Variants in ANK3 observed in about 807,000 individuals in gnomAD.
ANK3 encodes the protein ankyrin-3.
A neutral mutation model predicts 370.9 loss-of-function variants in ANK3; 57 were observed. The ratio of observed to expected loss-of-function variants is 0.15; its 90% CI spans 0.12 to 0.19. The LOEUF is 0.19. Ranked by LOEUF, ANK3 falls within the 10% of genes least tolerant of loss-of-function variation. The pLI is 1.00. For missense variants in ANK3, 4,439 were observed against 5,302.1 expected (o/e 0.84, Z 5.06); for synonymous variants, 1,929 against 1,946.3 (o/e 0.99, Z 0.23).
At chr10:60,551,197 A>AT (rs542248721) in intron 2 of ANK3, among the ~76,000 whole-genome samples, 49 of 152,242 alleles carry the variant, frequency 3.2e-4, no homozygotes, top group African/African-American at 1.2e-3. Context: ...TCACTGTAAT[A>AT]TTTTAAAAGT....
intron 1 of ANK3, among the ~76,000 whole-genome samples, chr10:60,629,737 A>T (rs891441932): frequency 6.6e-6 from 1 of 152,176 alleles, no homozygotes; most frequent in Non-Finnish European, 1.5e-5. Context: ...ACATATTAAA[A>T]ATCTTTTATA....
At chr10:60,111,548 T>C (rs929476695) in intron 26 of ANK3, among the ~76,000 whole-genome samples, 9 of 152,236 alleles carry the variant, frequency 5.9e-5, no homozygotes, top group African/African-American at 2.2e-4. Context: ...GTATCATTAA[T>C]ATTTAAACTA....
At position 60,074,889 on chromosome 10, in the gene ANK3, G is replaced by A. The variant is rs147209108; in HGVS notation, c.5992C>T (p.Arg1998Trp). The A allele has an allele frequency of 5.9e-5, 95 of 1,613,648 alleles. No individual in the cohort carries two copies. The highest frequency in any genetic ancestry group is 1.2e-4 in the Admixed American group (7 of 59,952). Residue 1998 changes from arginine to tryptophan, a missense_variant, in exon 37 of 44, where the codon CGG becomes TGG. Around this residue, in one of 13 missense-constraint regions of ANK3, gnomAD observed 679 missense variants for 791.0 expected, o/e 0.86. Transcript: ENST00000280772. ...GCAGCAGCTTGTTGTCTGGCTTCCC[G>A]GATTTCTTCCGAACTAAATTCTATC... ...DWIEFSSEEI[R>W]EARQQAAASQ...
At chr10:60,121,028 T>C (rs2093433319) in intron 25 of ANK3, among the ~76,000 whole-genome samples, 1 of 152,150 alleles carries the variant, frequency 6.6e-6, no homozygotes. Flanking sequence ...GCAGCACTAT[T>C]CACAATAGCC....
chr10:60,418,367 C>A lies in ANK3; in HGVS notation c.97-138728G>T, dbSNP rs149025555. On this transcript the variant is annotated intron_variant, in intron 2 of 43. Transcript: ENST00000373827. ...GTTAACATTCCCTCATCTGCTACACCTGCGCCTAAGTATCATTTCCAGCAA... is the reference window on the plus strand; with the variant it reads ...GTTAACATTCCCTCATCTGCTACACATGCGCCTAAGTATCATTTCCAGCAA... 1.2e-4 allele frequency among the ~76,000 whole-genome samples: 18 copies of A among 152,298 alleles called. No individual in the cohort carries two copies. In the East Asian group the frequency reaches 3.5e-3, roughly 29 times the overall value.
chr10:60,567,461 A>G (rs1353835486), intron 2 of ANK3, among the ~76,000 whole-genome samples: 1 of 152,088 alleles, frequency 6.6e-6, no homozygotes, highest in East Asian at 1.9e-4. Context: ...TGCTGGCCAG[A>G]AAAAAAATTT....
chr10:60,724,126 C>A (rs533380879), intron 1 of ANK3, among the ~76,000 whole-genome samples: 19 of 120,514 alleles, frequency 1.6e-4, no homozygotes, highest in African/African-American at 5.4e-4. Flanking sequence ...AGGAAAATGG[C>A]GTGAACCCGG....
At chr10:60,470,303 C>T (rs1183826938) in intron 2 of ANK3, among the ~76,000 whole-genome samples, 1 of 152,046 alleles carries the variant, frequency 6.6e-6, no homozygotes, top group African/African-American at 2.4e-5. Context: ...TTCAATTGCA[C>T]AACTACACAT....
At chr10:60,379,815 A>C (rs1341804101) in intron 1 of ANK3, among the ~76,000 whole-genome samples, 2 of 152,124 alleles carry the variant, frequency 1.3e-5, no homozygotes, top group Non-Finnish European at 2.9e-5. Context: ...CAGTGGGATG[A>C]CTACAGTTAA....
At chr10:60,177,168 T>C (rs990548267) in intron 18 of ANK3, among the ~76,000 whole-genome samples, 1 of 152,218 alleles carries the variant, frequency 6.6e-6, no homozygotes, top group Non-Finnish European at 1.5e-5. Flanking sequence ...ATTTCTCCTC[T>C]ACCTTTGGAC....
chr10:60,326,707 C>T (rs913351268), intron 1 of ANK3, among the ~76,000 whole-genome samples: 3 of 152,028 alleles, frequency 2.0e-5, no homozygotes, highest in Non-Finnish European at 4.4e-5. Context: ...TGTGGATTCC[C>T]TGTCTTCTCT....
Position 60,076,131 on chromosome 10 carries a change from C to T in ANK3, c.4750G>A (p.Val1584Met). 1.9e-6 allele frequency: 3 copies of T among 1,614,156 alleles called. No individual in the cohort carries two copies. Among genetic ancestry groups the T allele is most frequent in the Admixed American group, 1.7e-5 (1 of 60,022 alleles). Residue 1584 changes from valine (V) to methionine (M), a missense_variant, in exon 37 of 44, where the codon GTG becomes ATG. Coordinates refer to ENST00000280772, the MANE Select transcript of ANK3 (RefSeq NM_020987.5). ...FRTMSSPIKT[V>M]VSQSPYNIQV... ...ATATTGTATGGAGATTGTGACACCA[C>T]AGTTTTTATCGGCGAAGACATTGTC...
chr10:60,417,205 A>G (rs1485819020), intron 2 of ANK3, among the ~76,000 whole-genome samples: 1 of 152,210 alleles, frequency 6.6e-6, no homozygotes, highest in East Asian at 1.9e-4. Flanking sequence ...GTGCTCAGGG[A>G]AAAAGTGAGT....
chr10:60,574,794 C>T (rs752898418), intron 2 of ANK3, among the ~76,000 whole-genome samples: 1 of 152,118 alleles, frequency 6.6e-6, no homozygotes, highest in Non-Finnish European at 1.5e-5. Flanking sequence ...GACTTTCCCA[C>T]CTAAATCTTG....
chr10:60,455,062 A>C (rs1378213040), intron 2 of ANK3, among the ~76,000 whole-genome samples: 1 of 152,242 alleles, frequency 6.6e-6, no homozygotes, highest in Non-Finnish European at 1.5e-5. Flanking sequence ...TTAAAGAAGC[A>C]TAACAACTTT....
At position 60,106,001 on chromosome 10, in the gene ANK3, T is replaced by C. The variant is rs1219084096; in HGVS notation, c.3232A>G (p.Ile1078Val). Residue 1078 changes from isoleucine (I) to valine (V), a missense_variant, in exon 28 of 44, where the codon ATT (isoleucine) becomes GTT (valine). Around this residue, in one of 13 missense-constraint regions of ANK3, gnomAD observed 702 missense variants for 941.5 expected, o/e 0.75. Transcript: ENST00000280772. ...TCACCATTTTCACTTCGAAGAACAA[T>C]GAGTTCTCTCTCTTTTCCTCTCATG... ...GSMRGKEREL[I>V]VLRSENGETW... is the part of the protein sequence containing the mutation. 6.2e-7 allele frequency: 1 copy of C among 1,612,732 alleles called. No individual in the cohort carries two copies. The highest frequency in any genetic ancestry group is 1.3e-5 in the African/African-American group (1 of 74,882).
At chr10:60,711,329 A>G (rs1318664066) in intron 1 of ANK3, among the ~76,000 whole-genome samples, 1 of 152,142 alleles carries the variant, frequency 6.6e-6, no homozygotes, top group East Asian at 1.9e-4. Flanking sequence ...CCCCAAAAAT[A>G]TAGGCATCTA....
intron 25 of ANK3, among the ~76,000 whole-genome samples, chr10:60,127,787 C>T (rs1045301023): frequency 2.0e-5 from 3 of 151,226 alleles, no homozygotes; most frequent in African/African-American, 7.3e-5. Context: ...CAACCTCCAC[C>T]TACTGGTTCA....
chr10:60,097,732 G>A (rs905323807), intron 28 of ANK3, among the ~76,000 whole-genome samples: 4 of 152,096 alleles, frequency 2.6e-5, no homozygotes, highest in Non-Finnish European at 4.4e-5. Context: ...CGATCACTTC[G>A]TTAAATGGGG....
Sources: allele counts gnomAD v4.1 joint callset (sites outside exome capture counted in the v4.1 genomes callset), GRCh38; gene constraint gnomAD v4.1.1; regional missense constraint gnomAD v4.1.1; transcripts MANE v1.5; gene names NCBI Gene and HGNC (gene_info 2026-07-23, HGNC 2026-07-21).